Variants in PEAK1 observed in about 807,000 individuals in gnomAD.
PEAK1 encodes the protein inactive tyrosine-protein kinase PEAK1.
PEAK1 carries 54 observed loss-of-function variants against 124.7 expected under a neutral mutation model. That is an observed-to-expected ratio of 0.43 (90% CI 0.35 to 0.54). PEAK1 has a LOEUF of 0.54. Ranked by LOEUF, PEAK1 falls within the 20% of genes least tolerant of loss-of-function variation. PEAK1 has a pLI of 0.01. For synonymous variants in PEAK1, 719 were observed against 760.0 expected (o/e 0.95, Z 0.89); for missense variants, 2,046 against 2,134.5 (o/e 0.96, Z 0.82).
At chr15:77,281,154 A>C (rs1177729718) in intron 5 of PEAK1, among the ~76,000 whole-genome samples, 1 of 152,138 alleles carries the variant, frequency 6.6e-6, no homozygotes, top group Non-Finnish European at 1.5e-5. Flanking sequence ...GCAACAGAGC[A>C]AGACTCTATC....
intron 1 of PEAK1, 131 bp from the exon 2 acceptor site, chr15:77,365,356 T>C (rs1325669474): frequency 5.7e-6 from 1 of 175,000 alleles, no homozygotes; most frequent in Admixed American, 6.5e-5. Flanking sequence ...AGCTGTTCTT[T>C]AGATATCTAT....
Position 77,179,346 on chromosome 15 carries a change from T to C in PEAK1, c.2581A>G (p.Ser861Gly). ...GGAGCTGGTGGCTCACTTTGGGGGC[T>C]AGTCACTAATTTGGAGGGAGAGGGG... ...VTPSPSKLVT[S>G]PQSEPPAPFP... The change falls in exon 7 of 10, where the codon AGC becomes GGC. Residue 861 changes from serine to glycine, a missense_variant. Physicochemically the swap from Ser to Gly is moderately conservative, Grantham distance 56. Coordinates refer to ENST00000682557, the MANE Select transcript of PEAK1 (RefSeq NM_001385026.1). 3 of 1,614,034 alleles carry C rather than the reference T, an allele frequency of 1.9e-6. No individual in the cohort carries two copies. Among genetic ancestry groups the C allele is most frequent in the Non-Finnish European group, 2.5e-6 (3 of 1,179,984 alleles).
chr15:77,200,906 A>C (rs1181532355), intron 6 of PEAK1, among the ~76,000 whole-genome samples: 2 of 152,008 alleles, frequency 1.3e-5, no homozygotes, highest in Admixed American at 6.6e-5. Context: ...CCTTCTAACT[A>C]ATTTTAGGTA....
At position 77,377,359 on chromosome 15, in the gene PEAK1, G is replaced by A. The variant is rs563066051; in HGVS notation, c.-665-12134C>T. On this transcript the variant is annotated intron_variant, in intron 1 of 9. Coordinates refer to ENST00000682557, the MANE Select transcript of PEAK1 (RefSeq NM_001385026.1). ...TGATTGAGCCACTGCATTCCAGCCT[G>A]GGGAACAGAGTGAGACTCTGTCTCA... is the stretch of plus-strand genomic sequence containing the variant. Among the ~76,000 whole-genome samples the A allele has an allele frequency of 9.2e-5, 14 of 152,256 alleles. No individual in the cohort carries two copies. In the East Asian group the frequency reaches 2.7e-3, roughly 29 times the overall value.
At chr15:77,370,425 C>T (rs2068559823) in intron 1 of PEAK1, among the ~76,000 whole-genome samples, 1 of 152,052 alleles carries the variant, frequency 6.6e-6, no homozygotes, top group Non-Finnish European at 1.5e-5. Flanking sequence ...TAGGTACCAC[C>T]TTGGGAAAGT....
intron 6 of PEAK1, among the ~76,000 whole-genome samples, chr15:77,237,646 A>G (rs1057033605): frequency 1.3e-4 from 19 of 151,536 alleles, no homozygotes; most frequent in Non-Finnish European, 2.5e-4. Context: ...ATTTTTTTCT[A>G]CTTTGTTCTG....
chr15:77,337,897 T>C (rs146182316), intron 2 of PEAK1: 1 of 985,148 alleles, frequency 1.0e-6, no homozygotes, highest in African/African-American at 1.7e-5. Context: ...CTGTTCTCAT[T>C]AAATTACAGC....
chr15:77,267,877 G>T (rs1597016349), intron 5 of PEAK1, among the ~76,000 whole-genome samples: 1 of 152,030 alleles, frequency 6.6e-6, no homozygotes, highest in East Asian at 1.9e-4. Flanking sequence ...TCTCTGAATT[G>T]CCAGAAAAAG....
chr15:77,333,697 TCTC>T, intron 2 of PEAK1: 1 of 972,350 alleles, frequency 1.0e-6, no homozygotes. Flanking sequence ...ACTAATTCAT[TCTC>T]CTAATGAATT....
intron 1 of PEAK1, among the ~76,000 whole-genome samples, chr15:77,405,460 C>T (rs545419107): frequency 3.9e-5 from 6 of 152,140 alleles, no homozygotes; most frequent in Non-Finnish European, 8.8e-5. Flanking sequence ...CAAAAATGAA[C>T]TATATTCCTA....
intron 6 of PEAK1, among the ~76,000 whole-genome samples, chr15:77,197,161 C>T (rs545460286): frequency 6.6e-6 from 1 of 152,122 alleles, no homozygotes; most frequent in Admixed American, 6.5e-5. Context: ...ACTAAAACAG[C>T]TTGGAAGACA....
At chr15:77,338,131 C>G (rs577539933) in intron 2 of PEAK1, 1 of 981,558 alleles carries the variant, frequency 1.0e-6, no homozygotes, top group African/African-American at 1.7e-5. Flanking sequence ...TCAGCAGTGA[C>G]AGATTAGCAT....
intron 2 of PEAK1, among the ~76,000 whole-genome samples, chr15:77,311,065 T>A (rs1199035059): frequency 6.6e-6 from 1 of 152,206 alleles, no homozygotes; most frequent in Non-Finnish European, 1.5e-5. Flanking sequence ...GGATACTGGT[T>A]AAAGAATAGA....
In PEAK1 at chr15:77,247,492, T is replaced by TC. The variant is rs1429840784; in HGVS notation, c.-115+4874_-115+4875insG. Among the ~76,000 whole-genome samples the TC allele has an allele frequency of 4.5e-5, 6 of 132,542 alleles. No homozygotes were observed. In the Admixed American group the frequency reaches 4.5e-4, roughly 10 times the overall value. The allele number at this position is 132,542 out of a possible 152,430, so 87.0% of individuals were successfully genotyped here. ...TCTTTTTTCTTTTCTTTTCTTTTTT[T>TC]TTTTTTTTTTTTTTGAGACAGAGTC... On this transcript the variant is annotated intron_variant, in intron 6 of 9. Coordinates refer to ENST00000682557, the MANE Select transcript of PEAK1 (RefSeq NM_001385026.1).
At chr15:77,230,205 CT>C (rs35142497) in intron 6 of PEAK1, among the ~76,000 whole-genome samples, 96,632 of 147,950 alleles carry the variant, frequency 0.65, 32,178 homozygotes, top group Non-Finnish European at 0.75. Flanking sequence ...TGAGATAAGT[CT>C]TTTTTTTTTT....
In PEAK1 at chr15:77,344,097, T is replaced by G. The variant is rs147457718; in HGVS notation, c.-603+21066A>C. ...CAAGGATTTAGTTCTTGGCTGTCTG[T>G]TTTTTTGTTTTTTTGAGATAAGAGT... On this transcript the variant is annotated intron_variant, in intron 2 of 9. Coordinates refer to ENST00000682557, the MANE Select transcript of PEAK1 (RefSeq NM_001385026.1). Among the ~76,000 whole-genome samples, 222 of 152,232 alleles carry G rather than the reference T, an allele frequency of 1.5e-3. 6 individuals carry two copies. The East Asian group carries it at 0.03, about 20-fold the overall frequency.
intron 1 of PEAK1, among the ~76,000 whole-genome samples, chr15:77,409,804 T>C (rs989872195): frequency 3.9e-5 from 6 of 152,220 alleles, no homozygotes; most frequent in African/African-American, 1.4e-4. Flanking sequence ...CACTTGTATA[T>C]ATGCATGACA....
At chr15:77,234,029 C>T (rs2060013151) in intron 6 of PEAK1, among the ~76,000 whole-genome samples, 1 of 152,060 alleles carries the variant, frequency 6.6e-6, no homozygotes, top group East Asian at 1.9e-4. Context: ...CTGTACCTGG[C>T]TAATTTTTAA....
At chr15:77,365,118 A>C in intron 2 of PEAK1, 45 bp downstream of exon 2, 2 of 714,948 alleles carry the variant, frequency 2.8e-6, no homozygotes, top group Non-Finnish European at 3.4e-6. Flanking sequence ...CTTTCTCATT[A>C]TAAAATATAT....
Sources: gnomAD v4.1 joint callset for allele counts (sites outside exome capture counted in the v4.1 genomes callset) on GRCh38, gnomAD v4.1.1 for gene constraint, MANE v1.5 for transcripts, NCBI Gene and HGNC (gene_info 2026-07-23, HGNC 2026-07-21) for gene names.